OLFML2A: variants seen among roughly 807,000 people sequenced by gnomAD.
The protein encoded by OLFML2A is olfactomedin-like protein 2A.
A neutral mutation model predicts 60.9 loss-of-function variants in OLFML2A; 47 were observed. The observed-to-expected ratio is 0.77, with a 90% CI of 0.61 to 0.98. The LOEUF (loss-of-function observed/expected upper bound fraction) is 0.98, where lower values mean the gene tolerates loss of function less well. OLFML2A is among the 50% of genes least tolerant of loss of function. OLFML2A has a pLI of 0.00. For missense variants in OLFML2A, 922 were observed against 879.8 expected (o/e 1.05, Z -0.61); for synonymous variants, 372 against 375.0 (o/e 0.99, Z 0.09).
intron 6 of OLFML2A, among the ~76,000 whole-genome samples, chr9:124,807,025 C>T (rs1046405600): frequency 6.6e-6 from 1 of 151,784 alleles, no homozygotes; most frequent in Non-Finnish European, 1.5e-5. Flanking sequence ...GCAATCCTCC[C>T]ACCTCAGCCT....
In OLFML2A at chr9:124,801,434, C is replaced by A. The variant is rs926699549; in HGVS notation, c.690C>A (p.Gly230=). The A allele has an allele frequency of 1.1e-5, 17 of 1,613,944 alleles. No homozygotes were observed. In the African/African-American group the frequency reaches 2.0e-4, roughly 19 times the overall value. Residue 230 remains glycine (G), a synonymous_variant, in exon 5 of 8, where the codon GGC becomes GGA. Transcript: ENST00000373580. ...CCCAGGACACAGCTAGAGGAAAAGG[C>A]AAGGACATCAGCAAGTATGGCAGTG... ...SKAQDTARGK[G]KDISKYGSVQ... is the part of the protein sequence containing the mutation.
chr9:124,784,976 C>T (rs563263948), intron 1 of OLFML2A, among the ~76,000 whole-genome samples: 4 of 20,378 alleles, frequency 2.0e-4, no homozygotes, highest in East Asian at 1.9e-3. Context: ...TTTTTTGAGA[C>T]GGAGTCTCAC....
chr9:124,780,026 G>A (rs1213685203), intron 1 of OLFML2A, among the ~76,000 whole-genome samples: 1 of 152,188 alleles, frequency 6.6e-6, no homozygotes, highest in Non-Finnish European at 1.5e-5. Context: ...TGGTCTCCTT[G>A]GCCAGCTCCT....
intron 2 of OLFML2A, among the ~76,000 whole-genome samples, chr9:124,790,743 A>G (rs1173938973): frequency 6.6e-6 from 1 of 152,018 alleles, no homozygotes; most frequent in Non-Finnish European, 1.5e-5. Context: ...CAGAGGCAGT[A>G]GGAGACAGGG....
chr9:124,798,483 C>G (rs1359449182), intron 3 of OLFML2A, among the ~76,000 whole-genome samples: 1 of 151,588 alleles, frequency 6.6e-6, no homozygotes, highest in East Asian at 1.9e-4. Flanking sequence ...GCACCACTGC[C>G]CTCCAAGCTG....
intron 7 of OLFML2A, 37 bp downstream of exon 7, chr9:124,808,003 T>C (rs751116549): frequency 2.6e-6 from 4 of 1,540,662 alleles, no homozygotes; most frequent in South Asian, 1.1e-5. Context: ...GGGCTGGGTA[T>C]GGACAACCTG....
At chr9:124,794,949 G>T in intron 2 of OLFML2A, 75 bp from the exon 3 acceptor site, 1 of 852,408 alleles carries the variant, frequency 1.2e-6, no homozygotes, top group South Asian at 1.5e-5. Flanking sequence ...AATTGCAGCA[G>T]GGTTCCTTTT....
In OLFML2A at chr9:124,809,870, CA is replaced by C. The variant is rs759786231; in HGVS notation, c.1418del (p.Gln473ArgfsTer75). ...NWIGTGHVVY[Q>X]GAFYYNRAFT... Reference sequence around the variant, plus strand: ...GATCGGCACAGGCCACGTGGTGTACCAGGGCGCCTTCTACTACAACCGCGCC... The same window carrying C: ...GATCGGCACAGGCCACGTGGTGTACCGGGCGCCTTCTACTACAACCGCGCC... On this transcript the variant is annotated frameshift_variant, in exon 8 of 8. Transcript: ENST00000373580. LOFTEE classifies it high-confidence loss of function. The C allele has an allele frequency of 1.7e-5, 28 of 1,614,114 alleles. No homozygotes were observed. In the East Asian group the frequency reaches 6.2e-4, roughly 36 times the overall value.
intron 1 of OLFML2A, among the ~76,000 whole-genome samples, chr9:124,780,329 G>A (rs1260885934): frequency 4.6e-5 from 7 of 152,186 alleles, no homozygotes; most frequent in Admixed American, 3.3e-4. Context: ...AAGGGCTGCC[G>A]GTGCCTCACT....
rs1429585537 is a variant in OLFML2A, at chr9:124,812,569, A to C, written c.*2157A>C. The C allele has an allele frequency of 6.5e-6, 1 of 152,882 alleles. No individual in the cohort carries two copies. The highest frequency in any genetic ancestry group is 6.5e-5 in the Admixed American group (1 of 15,288). 9.5% of individuals were successfully genotyped at this position (152,882 alleles called of 1,614,324 possible). On this transcript the variant is annotated 3_prime_UTR_variant, in exon 8 of 8. Coordinates refer to ENST00000373580, the MANE Select transcript of OLFML2A (RefSeq NM_182487.4). ...ACAGGGGAATGATGACAACCAGCCC[A>C]GCCAGGCCTGACTCATCATGGTCAC...
At chr9:124,781,471 TGAGGAAAAAGGG>T (rs1841360044) in intron 1 of OLFML2A, among the ~76,000 whole-genome samples, 2 of 151,920 alleles carry the variant, frequency 1.3e-5, no homozygotes, top group East Asian at 3.9e-4. Flanking sequence ...GGGCTGGCCA[TGAGGAAAAAGGG>T]CAGACCCAAC....
chr9:124,784,322 G>C (rs1246799470), intron 1 of OLFML2A, among the ~76,000 whole-genome samples: 1 of 151,792 alleles, frequency 6.6e-6, no homozygotes, highest in African/African-American at 2.4e-5. Context: ...TCCTGCCTCA[G>C]CCTCCCGAGT....
In OLFML2A at chr9:124,787,178, C is replaced by T. The variant is rs375557251; in HGVS notation, c.294C>T (p.Asn98=). ...GTACCGCACCTCCCTCCTCTCTCAA[C>T]CCCTGTGAGAACGAGTGGAAGATGG... ...CSCTAPPSSL[N]PCENEWKMEK... The change falls in exon 2 of 8, where the codon AAC becomes AAT. Residue 98 remains asparagine, a synonymous_variant. Transcript: ENST00000373580. The T allele has an allele frequency of 2.5e-6, 4 of 1,614,128 alleles. No homozygotes were observed. Among genetic ancestry groups the T allele is most frequent in the East Asian group, 2.2e-5 (1 of 44,884 alleles).
In OLFML2A at chr9:124,814,850, A is replaced by C. The variant is rs1842085021; in HGVS notation, c.*4438A>C. On this transcript the variant is annotated 3_prime_UTR_variant, in exon 8 of 8. Transcript: ENST00000373580. ...TTTTGCAACAAGATGGGCTATATCT[A>C]AATAAAGACATGATCAAAGGTTTGA... 6.6e-6 allele frequency: 1 copy of C among 152,266 alleles called. No individual in the cohort carries two copies. The highest frequency in any genetic ancestry group is 1.5e-5 in the Non-Finnish European group (1 of 68,050). The allele number at this position is 152,266 out of a possible 1,614,324, so 9.4% of individuals were successfully genotyped here.
chr9:124,789,856 T>C (rs541253374), intron 2 of OLFML2A, among the ~76,000 whole-genome samples: 1 of 152,304 alleles, frequency 6.6e-6, no homozygotes, highest in South Asian at 2.1e-4. Context: ...AGTCCCTGGA[T>C]CACACTGTCT....
At chr9:124,783,734 C>A (rs1321450567) in intron 1 of OLFML2A, among the ~76,000 whole-genome samples, 1 of 152,326 alleles carries the variant, frequency 6.6e-6, no homozygotes, top group East Asian at 1.9e-4. Context: ...AGAGCTCCTA[C>A]TGCAGGCCAG....
In OLFML2A at chr9:124,779,549, G is replaced by C. The variant is rs201923851; in HGVS notation, c.90+2189G>C. On this transcript the variant is annotated intron_variant, in intron 1 of 7. Coordinates refer to ENST00000373580, the MANE Select transcript of OLFML2A (RefSeq NM_182487.4). The surrounding 1 kb of genome is among the most constrained non-coding windows in gnomAD (Gnocchi z 4.1). ...TGCTAGGTTGTGTGTGTGTGTGGTG[G>C]GGGGGGGGTGTTTAGCTGTCCCAGG... Among the ~76,000 whole-genome samples, 131 of 26,896 alleles carry C rather than the reference G, an allele frequency of 4.9e-3. 1 individual carries two copies. In the African/African-American group the frequency reaches 0.05, roughly 10 times the overall value. 17.6% of individuals were successfully genotyped at this position (26,896 alleles called of 152,430 possible). A position where few individuals can be genotyped will look rare whatever the true frequency, so the allele number is the denominator to read the frequency against.
chr9:124,784,116 C>G (rs976555132), intron 1 of OLFML2A, among the ~76,000 whole-genome samples: 6 of 152,080 alleles, frequency 3.9e-5, no homozygotes, highest in Non-Finnish European at 8.8e-5. Context: ...AGAGTATCAA[C>G]TCACATGGGC....
intron 3 of OLFML2A, among the ~76,000 whole-genome samples, chr9:124,796,100 G>GGCTTCCTTTCCCA (rs1278590036): frequency 2.0e-5 from 3 of 152,218 alleles, no homozygotes; most frequent in African/African-American, 7.2e-5. Context: ...CGGGCGTGGG[G>GGCTTCCTTTCCCA]GCTTCCTTTC....
Sources: allele counts gnomAD v4.1 joint callset (sites outside exome capture counted in the v4.1 genomes callset), GRCh38; gene constraint gnomAD v4.1.1; non-coding constraint Gnocchi (gnomAD v3.1); transcripts MANE v1.5; gene names NCBI Gene and HGNC (gene_info 2026-07-23, HGNC 2026-07-21).